SPATS2: variants seen among roughly 807,000 people sequenced by gnomAD.
SPATS2 encodes spermatogenesis-associated serine-rich protein 2.
Under a neutral mutation model 63.7 loss-of-function variants are expected in SPATS2, and 38 were observed. The ratio of observed to expected loss-of-function variants is 0.60; its 90% CI spans 0.46 to 0.78. The LOEUF (loss-of-function observed/expected upper bound fraction) is 0.78, where lower values mean the gene tolerates loss of function less well. Among genes scored for constraint, SPATS2 ranks in the 30% least tolerant of loss-of-function variants. The pLI is 0.00. For synonymous variants in SPATS2, 207 were observed against 232.9 expected (o/e 0.89, Z 1.01); for missense variants, 588 against 666.2 (o/e 0.88, Z 1.29).
intron 2 of SPATS2, among the ~76,000 whole-genome samples, chr12:49,373,011 C>T (rs1393530209): frequency 1.4e-5 from 2 of 147,054 alleles, no homozygotes; most frequent in African/African-American, 2.5e-5. Context: ...TTGCTTTTGT[C>T]GCCCAGGCTG....
intron 9 of SPATS2, among the ~76,000 whole-genome samples, chr12:49,507,088 A>C (rs1946666441): frequency 6.6e-6 from 1 of 152,214 alleles, no homozygotes; most frequent in Non-Finnish European, 1.5e-5. Context: ...AGAATACTCC[A>C]TCTGAATATT....
chr12:49,392,558 C>G (rs1191376053), intron 2 of SPATS2, among the ~76,000 whole-genome samples: 1 of 151,382 alleles, frequency 6.6e-6, no homozygotes, highest in South Asian at 2.1e-4. Context: ...ACAAAAAATA[C>G]AAAAATTGGT....
intron 2 of SPATS2, among the ~76,000 whole-genome samples, chr12:49,428,304 CACATA>C (rs979768298): frequency 7.9e-5 from 12 of 151,930 alleles, no homozygotes; most frequent in African/African-American, 1.9e-4. Flanking sequence ...CAGTAGAATG[CACATA>C]ACATGACGTT....
chr12:49,493,790 A>G (rs1242234494), intron 6 of SPATS2, among the ~76,000 whole-genome samples: 1 of 152,198 alleles, frequency 6.6e-6, no homozygotes, highest in African/African-American at 2.4e-5. Context: ...AATTTCTTAT[A>G]TATCTTTCAA....
intron 9 of SPATS2, among the ~76,000 whole-genome samples, chr12:49,504,778 T>TC (rs1946629446): frequency 6.9e-6 from 1 of 144,312 alleles, no homozygotes; most frequent in East Asian, 1.9e-4. Context: ...TTCTTTTTTT[T>TC]TTTTTTTTTT....
At chr12:49,436,207 C>T (rs1945282300) in intron 2 of SPATS2, among the ~76,000 whole-genome samples, 1 of 151,340 alleles carries the variant, frequency 6.6e-6, no homozygotes, top group Non-Finnish European at 1.5e-5. Flanking sequence ...CCTCACTTCC[C>T]AGTAGGGGCG....
In SPATS2 at chr12:49,452,880, G is replaced by A. The variant is rs571017957; in HGVS notation, c.-243-7890G>A. On this transcript the variant is annotated intron_variant, in intron 2 of 13. Transcript: ENST00000552918. ...AGTCCTTTAAAGAAATTTGGAGGCC[G>A]GGCGCAGTGGCTCACGCTTGTAATC... Among the ~76,000 whole-genome samples the A allele has an allele frequency of 4.0e-3, 612 of 151,802 alleles. 2 individuals are homozygous for A. The highest frequency in any genetic ancestry group is 7.0e-3 in the Admixed American group (107 of 15,228).
intron 9 of SPATS2, 126 bp from the exon 10 acceptor site, chr12:49,514,429 A>G (rs1374432712): frequency 1.7e-5 from 13 of 764,398 alleles, no homozygotes; most frequent in Admixed American, 8.2e-5. Flanking sequence ...TGTGATCCAT[A>G]CAATATTATT....
At chr12:49,377,028 A>C (rs540648027) in intron 2 of SPATS2, among the ~76,000 whole-genome samples, 2 of 152,218 alleles carry the variant, frequency 1.3e-5, no homozygotes, top group East Asian at 3.9e-4. Context: ...GTGTTTCGTT[A>C]ATCTTATCAG....
chr12:49,430,830 G>T (rs1189276698), intron 2 of SPATS2, among the ~76,000 whole-genome samples: 3 of 152,018 alleles, frequency 2.0e-5, no homozygotes, highest in Non-Finnish European at 4.4e-5. Context: ...CTCCTGAGTA[G>T]CTGGGACTAC....
At chr12:49,469,135 C>T (rs572858595) in intron 3 of SPATS2, among the ~76,000 whole-genome samples, 5 of 151,992 alleles carry the variant, frequency 3.3e-5, no homozygotes, top group African/African-American at 1.2e-4. Flanking sequence ...CAGTGGTTCA[C>T]GCCTGCCATC....
At chr12:49,426,994 G>A (rs1945089463) in intron 2 of SPATS2, among the ~76,000 whole-genome samples, 1 of 152,182 alleles carries the variant, frequency 6.6e-6, no homozygotes, top group African/African-American at 2.4e-5. Flanking sequence ...ATGCATTTGT[G>A]TTGGGTATTA....
intron 2 of SPATS2, among the ~76,000 whole-genome samples, chr12:49,372,026 G>T (rs1944007036): frequency 6.7e-6 from 1 of 149,052 alleles, no homozygotes. Context: ...TTAGTTTTTT[G>T]AGTAGGCTTG....
At chr12:49,400,035 C>CA (rs1049264375) in intron 2 of SPATS2, among the ~76,000 whole-genome samples, 7 of 150,952 alleles carry the variant, frequency 4.6e-5, no homozygotes, top group Non-Finnish European at 8.9e-5. Context: ...GACTCCGTCT[C>CA]AAAAAAAAGA....
chr12:49,404,303 T>TA (rs1411068976), intron 2 of SPATS2, among the ~76,000 whole-genome samples: 7 of 150,966 alleles, frequency 4.6e-5, no homozygotes, highest in South Asian at 2.1e-4. Context: ...TTTTTTTTTT[T>TA]AGAGATAAGA....
chr12:49,522,766 C>T lies in SPATS2; in HGVS notation c.1024C>T (p.Arg342Cys). The T allele has an allele frequency of 6.2e-7, 1 of 1,613,322 alleles. No homozygotes were observed. Among genetic ancestry groups the T allele is most frequent in the Non-Finnish European group, 8.5e-7 (1 of 1,179,498 alleles). ...RADIKHFVSE[R>C]KYDEDLGRVA... is the part of the protein sequence containing the mutation. ...CTTTCTCCAGCACTTTGTTAGTGAA[C>T]GTAAATATGATGAGGATCTGGGACG... Residue 342 changes from arginine (R) to cysteine (C), a missense_variant, in exon 12 of 14, where the codon CGT becomes TGT. Physicochemically the swap from Arg to Cys is radical, Grantham distance 180 (BLOSUM62 -3). Coordinates refer to ENST00000552918, the MANE Select transcript of SPATS2 (RefSeq NM_023071.4).
intron 2 of SPATS2, among the ~76,000 whole-genome samples, chr12:49,443,210 GT>G (rs1945454492): frequency 6.6e-6 from 1 of 152,208 alleles, no homozygotes; most frequent in Admixed American, 6.5e-5. Context: ...GTGAACATAG[GT>G]GTGCAGATAT....
intron 3 of SPATS2, among the ~76,000 whole-genome samples, chr12:49,479,950 G>C (rs1242255948): frequency 6.6e-6 from 1 of 152,084 alleles, no homozygotes; most frequent in African/African-American, 2.4e-5. Context: ...GTGACTTTGG[G>C]CAAGGAGTAG....
At chr12:49,435,223 G>A (rs1227603031) in intron 2 of SPATS2, among the ~76,000 whole-genome samples, 2 of 151,704 alleles carry the variant, frequency 1.3e-5, no homozygotes, top group African/African-American at 2.4e-5. Flanking sequence ...GTAGAGGCGG[G>A]GTTTCACTGT....
Sources: gnomAD v4.1 joint callset for allele counts (sites outside exome capture counted in the v4.1 genomes callset) on GRCh38, gnomAD v4.1.1 for gene constraint, MANE v1.5 for transcripts, NCBI Gene and HGNC (gene_info 2026-07-23, HGNC 2026-07-21) for gene names.